Variants in CCDC146 observed in about 807,000 individuals in gnomAD.
The protein encoded by CCDC146 is coiled-coil domain containing 146.
In CCDC146, 92 loss-of-function variants were observed where a neutral mutation model predicts 119.3. The observed-to-expected ratio is 0.77, with a 90% CI of 0.65 to 0.92. The LOEUF is 0.92. CCDC146 is among the 40% of genes least tolerant of loss of function. The pLI, the probability that CCDC146 is intolerant of heterozygous loss-of-function variation, is 0.00. For missense variants in CCDC146, 1,000 were observed against 1,103.0 expected, an observed-to-expected ratio of 0.91 and a Z score of 1.32; for synonymous variants, 372 against 371.8, an observed-to-expected ratio of 1.00 and a Z score of -0.01.
At chr7:77,199,677 G>T in intron 2 of CCDC146, 1 of 1,614,138 alleles carries the variant, frequency 6.2e-7, no homozygotes, top group Non-Finnish European at 8.5e-7. Context: ...GTCTCACTGG[G>T]CAGACATCCT....
rs1794017359 is a variant in CCDC146, at chr7:77,294,929, G to A, written c.*63G>A. On this transcript the variant is annotated 3_prime_UTR_variant, in exon 19 of 19. Coordinates refer to ENST00000285871, the MANE Select transcript of CCDC146 (RefSeq NM_020879.3). ...TCAACCAGGCTTCCTTGTACCCACAGGTGAAAAATGTGAGCATAATACTTC... is the reference window on the plus strand; with the variant it reads ...TCAACCAGGCTTCCTTGTACCCACAAGTGAAAAATGTGAGCATAATACTTC... 1.5e-6 allele frequency: 2 copies of A among 1,342,814 alleles called. No individual in the cohort carries two copies. Among genetic ancestry groups the A allele is most frequent in the African/African-American group, 1.5e-5 (1 of 68,224 alleles). 83.2% of individuals were successfully genotyped at this position (1,342,814 alleles called of 1,614,324 possible).
chr7:77,232,320 G>C lies in CCDC146; in HGVS notation c.157-4627G>C, dbSNP rs376777394. On this transcript the variant is annotated intron_variant, in intron 2 of 18. Coordinates refer to ENST00000285871, the MANE Select transcript of CCDC146 (RefSeq NM_020879.3). ...TCAGGGACTGACTTGGAAGTACCCT[G>C]TCTGGTTGATCTTGGGTGGTCACAG... Among the ~76,000 whole-genome samples the C allele has an allele frequency of 2.4e-4, 37 of 152,284 alleles. 1 individual carries two copies. Among genetic ancestry groups the C allele is most frequent in the African/African-American group, 8.7e-4 (36 of 41,548 alleles).
chr7:77,132,437 C>T (rs1401879128), intron 1 of CCDC146, among the ~76,000 whole-genome samples: 1 of 151,142 alleles, frequency 6.6e-6, no homozygotes, highest in East Asian at 1.9e-4. Flanking sequence ...AAGCAGTGGA[C>T]CAGGTGTGGT....
At chr7:77,135,885 T>C in intron 1 of CCDC146, among the ~76,000 whole-genome samples, 1 of 152,140 alleles carries the variant, frequency 6.6e-6, no homozygotes, top group East Asian at 1.9e-4. Flanking sequence ...TCAAACACAA[T>C]TGACTTCAAA....
At chr7:77,224,262 T>C (rs1416750716) in intron 2 of CCDC146, among the ~76,000 whole-genome samples, 4 of 152,134 alleles carry the variant, frequency 2.6e-5, no homozygotes, top group African/African-American at 9.7e-5. Flanking sequence ...CAGGGGAGCA[T>C]TTAGTTGCTT....
At position 77,287,434 on chromosome 7, in the gene CCDC146, A is replaced by G. The variant is rs1584148994; in HGVS notation, c.2278-6A>G. The stretch of plus-strand genomic sequence containing the variant: ...TTATTCCTCTTGAACCAATTTTCAA[A>G]CATAGCTGGAACTACAACTGGCCAA... On this transcript the variant is annotated splice_region_variant and splice_polypyrimidine_tract_variant and intron_variant, in intron 16 of 18. Transcript: ENST00000285871. 2 of 1,613,502 alleles carry G rather than the reference A, an allele frequency of 1.2e-6. No homozygotes were observed. The highest frequency in any genetic ancestry group is 4.5e-5 in the East Asian group (2 of 44,882).
At chr7:77,138,877 A>T (rs941938776) in intron 1 of CCDC146, among the ~76,000 whole-genome samples, 1 of 152,250 alleles carries the variant, frequency 6.6e-6, no homozygotes, top group Admixed American at 6.5e-5. Context: ...AAAGCTGACA[A>T]GAATGTGGTG....
intron 2 of CCDC146, among the ~76,000 whole-genome samples, chr7:77,215,214 T>C (rs1792282617): frequency 6.6e-6 from 1 of 150,570 alleles, no homozygotes; most frequent in South Asian, 2.1e-4. Context: ...GAAGTATTAC[T>C]GTGAACTCAT....
In CCDC146 at chr7:77,273,685, G is replaced by C. The variant is rs768450986; in HGVS notation, c.1174-9G>C. On this transcript the variant is annotated splice_polypyrimidine_tract_variant and intron_variant, in intron 9 of 18. Coordinates refer to ENST00000285871, the MANE Select transcript of CCDC146 (RefSeq NM_020879.3). ...ACATAAATGCATGTTTTTAAATTTT[G>C]ATTTCCAGATGGAAGCTATCCCCAA... The C allele has an allele frequency of 3.5e-5, 56 of 1,592,986 alleles. No individual in the cohort carries two copies. In the Admixed American group the frequency reaches 9.2e-4, roughly 26 times the overall value.
chr7:77,166,961 G>T (rs528925428), intron 1 of CCDC146, among the ~76,000 whole-genome samples: 306 of 152,272 alleles, frequency 2.0e-3, no homozygotes, highest in African/African-American at 7.1e-3. Flanking sequence ...AGGAGTGAAT[G>T]AATTATTGTT....
intron 2 of CCDC146, chr7:77,199,153 TATG>T (rs1200350021): frequency 2.5e-6 from 4 of 1,581,900 alleles, no homozygotes; most frequent in Non-Finnish European, 3.4e-6. Flanking sequence ...TTTATGAACA[TATG>T]ATAAGAAAAC....
chr7:77,294,282 T>C (rs539549758), intron 18 of CCDC146, among the ~76,000 whole-genome samples: 94 of 152,162 alleles, frequency 6.2e-4, no homozygotes, highest in Admixed American at 1.4e-3. Flanking sequence ...GAAACATAGT[T>C]AAGACCCACA....
rs1160881119 is a variant in CCDC146, at chr7:77,123,002, A to G, written c.-12+270A>G. 2.7e-5 allele frequency among the ~76,000 whole-genome samples: 4 copies of G among 147,044 alleles called. 1 individual carries two copies. In the South Asian group the frequency reaches 6.6e-4, roughly 24 times the overall value. On this transcript the variant is annotated intron_variant, in intron 1 of 18. Transcript: ENST00000285871. The stretch of plus-strand genomic sequence containing the variant: ...CTTTGGGTTTTAATTTGCTCACTTT[A>G]AAAATGTAGATGATAATACCTTCCT...
intron 2 of CCDC146, among the ~76,000 whole-genome samples, chr7:77,180,878 T>C (rs1791577275): frequency 6.6e-6 from 1 of 152,224 alleles, no homozygotes; most frequent in Non-Finnish European, 1.5e-5. Context: ...ATACCAACAC[T>C]GTGTGCCATC....
chr7:77,148,552 C>T (rs561354974), intron 1 of CCDC146, among the ~76,000 whole-genome samples: 10 of 151,590 alleles, frequency 6.6e-5, no homozygotes, highest in Admixed American at 2.0e-4. Context: ...ATCTTGGAAC[C>T]GTCCCCTGAT....
At chr7:77,221,636 C>T (rs1043799661) in intron 2 of CCDC146, among the ~76,000 whole-genome samples, 2 of 152,134 alleles carry the variant, frequency 1.3e-5, no homozygotes, top group Admixed American at 1.3e-4. Flanking sequence ...TGACATGTAC[C>T]GTGCAGGGTT....
At chr7:77,192,790 GCAGGC>G (rs1791792819) in intron 2 of CCDC146, among the ~76,000 whole-genome samples, 1 of 152,064 alleles carries the variant, frequency 6.6e-6, no homozygotes, top group Non-Finnish European at 1.5e-5. Context: ...GGGCGAGGTG[GCAGGC>G]GTCTGTAGTC....
intron 1 of CCDC146, among the ~76,000 whole-genome samples, chr7:77,166,349 C>G (rs1345783291): frequency 1.3e-5 from 2 of 151,868 alleles, no homozygotes; most frequent in African/African-American, 4.8e-5. Context: ...GTTATCACAG[C>G]CTATAAATAT....
chr7:77,186,738 C>T (rs987751939), intron 2 of CCDC146, among the ~76,000 whole-genome samples: 4 of 152,140 alleles, frequency 2.6e-5, no homozygotes, highest in Non-Finnish European at 5.9e-5. Flanking sequence ...ATTCACGAAT[C>T]AGGCAGCCCC....
Sources: gnomAD v4.1 joint callset for allele counts (sites outside exome capture counted in the v4.1 genomes callset) on GRCh38, gnomAD v4.1.1 for gene constraint, MANE v1.5 for transcripts, NCBI Gene and HGNC (gene_info 2026-07-23, HGNC 2026-07-21) for gene names.